SUPT7L: variants seen among roughly 807,000 people sequenced by gnomAD.
SUPT7L encodes the protein SPT7 like, STAGA complex subunit gamma.
In SUPT7L, 15 loss-of-function variants were observed where a neutral mutation model predicts 35.7. That is an observed-to-expected ratio of 0.42 (90% CI 0.28 to 0.65). The LOEUF (loss-of-function observed/expected upper bound fraction) is 0.65, where lower values mean the gene tolerates loss of function less well. Among genes scored for constraint, SUPT7L ranks in the 30% least tolerant of loss-of-function variants. The probability of loss-of-function intolerance (pLI) is 0.23; values close to 1 mark genes in which losing one functional copy is unlikely to be tolerated. For synonymous variants in SUPT7L, 168 were observed against 186.2 expected, an observed-to-expected ratio of 0.90 and a Z score of 0.79; for missense variants, 434 against 522.2, an observed-to-expected ratio of 0.83 and a Z score of 1.65.
Position 27,657,113 on chromosome 2 carries a change from C to T in SUPT7L, c.744+232G>A, listed in dbSNP as rs1674840559. Among the ~76,000 whole-genome samples, 1 of 152,210 alleles carries T rather than the reference C, an allele frequency of 6.6e-6. No homozygotes were observed. On this transcript the variant is annotated intron_variant, in intron 4 of 5. Coordinates refer to ENST00000337768, the MANE Select transcript of SUPT7L (RefSeq NM_014860.3). This position sits in a 1 kb window ranked among gnomAD's most constrained non-coding sequence, Gnocchi z 5.2. The stretch of plus-strand genomic sequence containing the variant: ...ACTGCATTCTCTCAGATTCCATATA[C>T]TTGTGGATAGTTTCTTCCAGAGGAA...
At chr2:27,645,057 T>TA in the SUPT7L span, among the ~76,000 whole-genome samples, 1 of 152,178 alleles carries the variant, frequency 6.6e-6, no homozygotes, top group Non-Finnish European at 1.5e-5. Flanking sequence ...AGCCTCGAAC[T>TA]ACTGGGCTCA....
At chr2:27,650,143 A>G (rs142332359), downstream of SUPT7L, 1 of 1,607,392 alleles carries the variant, frequency 6.2e-7, no homozygotes, top group Non-Finnish European at 8.5e-7. Context: ...AAGAGCCAGC[A>G]TTCCAGAATT....
Position 27,657,808 on chromosome 2 carries a change from G to T in SUPT7L, c.420-139C>A. ...AATTCCATCCAAGTTACATAGCTCA[G>T]TTTCATCCTGCTGCTATCTGGGCAT... On this transcript the variant is annotated intron_variant, in intron 3 of 5. Coordinates refer to ENST00000337768, the MANE Select transcript of SUPT7L (RefSeq NM_014860.3). This position sits in a 1 kb window ranked among gnomAD's most constrained non-coding sequence, Gnocchi z 5.2. 1 of 785,802 alleles carries T rather than the reference G, an allele frequency of 1.3e-6. No individual in the cohort carries two copies. Among genetic ancestry groups the T allele is most frequent in the Non-Finnish European group, 2.0e-6 (1 of 503,036 alleles). 48.7% of individuals were successfully genotyped at this position (785,802 alleles called of 1,614,324 possible).
intron 2 of SUPT7L, chr2:27,661,612 T>A: frequency 1.4e-6 from 2 of 1,390,170 alleles, no homozygotes; most frequent in South Asian, 1.6e-5. Context: ...CTAAATAAAT[T>A]AAGAGAAATG....
chr2:27,656,355 AATC>A (rs1445906794), intron 4 of SUPT7L, among the ~76,000 whole-genome samples: 3 of 152,152 alleles, frequency 2.0e-5, no homozygotes, highest in Non-Finnish European at 4.4e-5. Flanking sequence ...TTCCAAGCAA[AATC>A]ATCACCCCCC....
At chr2:27,658,485 TAAG>T (rs1426435789) in intron 3 of SUPT7L, among the ~76,000 whole-genome samples, 1 of 152,208 alleles carries the variant, frequency 6.6e-6, no homozygotes, top group Non-Finnish European at 1.5e-5. Flanking sequence ...AAAAATAACT[TAAG>T]AAGCTTTTAA....
chr2:27,654,799 C>G (rs1203448908), intron 5 of SUPT7L, among the ~76,000 whole-genome samples: 1 of 152,140 alleles, frequency 6.6e-6, no homozygotes, highest in Non-Finnish European at 1.5e-5. Context: ...ATCTCCTGAC[C>G]TCGTGATTCG....
the SUPT7L span, among the ~76,000 whole-genome samples, chr2:27,642,992 C>CACACACACACAT: frequency 1.3e-5 from 2 of 150,616 alleles, no homozygotes; most frequent in South Asian, 2.1e-4. Context: ...CACACACACA[C>CACACACACACAT]ACATACATAT....
At chr2:27,646,788 A>G (rs1674254215), downstream of SUPT7L, among the ~76,000 whole-genome samples, 1 of 151,918 alleles carries the variant, frequency 6.6e-6, no homozygotes, top group Non-Finnish European at 1.5e-5. Flanking sequence ...GCTTCTGTTC[A>G]TGAAAGTTAT....
chr2:27,655,395 G>A lies in SUPT7L; in HGVS notation c.952C>T (p.Leu318=), dbSNP rs769819289. 2 of 1,595,336 alleles carry A rather than the reference G, an allele frequency of 1.3e-6. No individual in the cohort carries two copies. Among genetic ancestry groups the A allele is most frequent in the Non-Finnish European group, 1.7e-6 (2 of 1,172,274 alleles). Residue 318 remains leucine (L), a synonymous_variant, in exon 5 of 6, where the codon CTG becomes TTG. Coordinates refer to ENST00000337768, the MANE Select transcript of SUPT7L (RefSeq NM_014860.3). ...GCCTGTGGTGAAGCTTCAACCTCCA[G>A]GTTAGATGGGAAGCGTTCGCTCTGA... ...GAQSERFPSN[L]EVEASPQASS... is the part of the protein sequence containing the mutation.
At chr2:27,650,302 A>G, downstream of SUPT7L, 2 of 629,448 alleles carry the variant, frequency 3.2e-6, no homozygotes, top group South Asian at 3.8e-5. Flanking sequence ...CATAAGGGAT[A>G]ATTTTCCTCA....
Position 27,657,786 on chromosome 2 carries a change from T to G in SUPT7L, c.420-117A>C. On this transcript the variant is annotated intron_variant, in intron 3 of 5. Transcript: ENST00000337768. The surrounding 1 kb of genome is among the most constrained non-coding windows in gnomAD (Gnocchi z 5.2). Reference sequence around the variant, plus strand: ...CACTGGCCTAGCTTTCCAGGGAAATTCCATCCAAGTTACATAGCTCAGTTT... The same window carrying G: ...CACTGGCCTAGCTTTCCAGGGAAATGCCATCCAAGTTACATAGCTCAGTTT... 4 of 982,382 alleles carry G rather than the reference T, an allele frequency of 4.1e-6. No homozygotes were observed. Among genetic ancestry groups the G allele is most frequent in the Non-Finnish European group, 5.9e-6 (4 of 678,514 alleles). 60.9% of individuals were successfully genotyped at this position (982,382 alleles called of 1,614,324 possible). A position where few individuals can be genotyped will look rare whatever the true frequency, so the allele number is the denominator to read the frequency against.
the SUPT7L span, among the ~76,000 whole-genome samples, chr2:27,642,686 T>C: frequency 6.6e-6 from 1 of 152,020 alleles, no homozygotes; most frequent in Non-Finnish European, 1.5e-5. Context: ...GCCTCAGCCT[T>C]CCTGAGTAGC....
intron 1 of SUPT7L, among the ~76,000 whole-genome samples, 185 bp from the exon 2 acceptor site, chr2:27,662,466 T>C (rs747054705): frequency 3.9e-5 from 6 of 152,188 alleles, no homozygotes; most frequent in Non-Finnish European, 8.8e-5. Context: ...ATTTCCACAA[T>C]TGACACTTTC....
the SUPT7L span, among the ~76,000 whole-genome samples, chr2:27,644,390 T>C: frequency 5.3e-5 from 8 of 152,318 alleles, no homozygotes; most frequent in Non-Finnish European, 8.8e-5. Context: ...CTATCAGTTA[T>C]CCTTTGACTT....
chr2:27,655,358 G>T lies in SUPT7L; in HGVS notation c.982+7C>A. 1 of 1,533,626 alleles carries T rather than the reference G, an allele frequency of 6.5e-7. No homozygotes were observed. ...AGAATCAAAGTGAGTAAGTTTATTTGTCTTACTTGAAGCCTGTGGTGAAGC... is the reference window on the plus strand; with the variant it reads ...AGAATCAAAGTGAGTAAGTTTATTTTTCTTACTTGAAGCCTGTGGTGAAGC... On this transcript the variant is annotated splice_region_variant and intron_variant, in intron 5 of 5. Transcript: ENST00000337768.
At chr2:27,647,526 C>A (rs1358495512), downstream of SUPT7L, among the ~76,000 whole-genome samples, 1 of 152,152 alleles carries the variant, frequency 6.6e-6, no homozygotes, top group Admixed American at 6.5e-5. Context: ...ATAGGAAAAA[C>A]CATCACCCCT....
rs887762553 is a variant in SUPT7L at position 27,657,729 on chromosome 2, C to T, written c.420-60G>A. ...CTTGCAAAGGGGTGACCCCTCCTGT[C>T]TTCCCCAGGAGTTTTACAATTCCAG... On this transcript the variant is annotated intron_variant, in intron 3 of 5. Coordinates refer to ENST00000337768, the MANE Select transcript of SUPT7L (RefSeq NM_014860.3). This position sits in a 1 kb window ranked among gnomAD's most constrained non-coding sequence, Gnocchi z 5.2. 1 of 1,475,716 alleles carries T rather than the reference C, an allele frequency of 6.8e-7. No individual in the cohort carries two copies. Among genetic ancestry groups the T allele is most frequent in the South Asian group, 1.3e-5 (1 of 74,370 alleles). The allele number at this position is 1,475,716 out of a possible 1,614,324, so 91.4% of individuals were successfully genotyped here. A position where few individuals can be genotyped will look rare whatever the true frequency, so the allele number is the denominator to read the frequency against.
Position 27,657,482 on chromosome 2 carries a change from G to C in SUPT7L, c.607C>G (p.Arg203Gly), listed in dbSNP as rs557391081. Residue 203 changes from arginine (R) to glycine (G), a missense_variant, in exon 4 of 6, where the codon CGG becomes GGG. By Grantham distance (125) the Arg-to-Gly change is moderately radical (BLOSUM62 -2). Transcript: ENST00000337768. This position sits in a 1 kb window ranked among gnomAD's most constrained non-coding sequence, Gnocchi z 5.2. ...FTKLLRFAVDREARLGQTPFP... is the reference protein window; with the variant it reads ...FTKLLRFAVDGEARLGQTPFP... ...GGAGTCTGTCCCAGCCGGGCCTCCC[G>C]GTCCACAGCAAAACGCAGCAACTTG... 6.2e-7 allele frequency: 1 copy of C among 1,614,208 alleles called. No individual in the cohort carries two copies. The highest frequency in any genetic ancestry group is 1.7e-5 in the Admixed American group (1 of 60,022).
Sources: gnomAD v4.1 joint callset for allele counts (sites outside exome capture counted in the v4.1 genomes callset) on GRCh38, gnomAD v4.1.1 for gene constraint, Gnocchi (gnomAD v3.1) non-coding constraint, MANE v1.5 for transcripts, NCBI Gene and HGNC (gene_info 2026-07-23, HGNC 2026-07-21) for gene names.